STKLD1: variants seen among roughly 807,000 people sequenced by gnomAD.
STKLD1 encodes serine/threonine kinase-like domain-containing protein STKLD1.
STKLD1 carries 79 observed loss-of-function variants against 80.4 expected under a neutral mutation model. The ratio of observed to expected loss-of-function variants is 0.98; its 90% CI spans 0.82 to 1.19. The LOEUF (loss-of-function observed/expected upper bound fraction) is 1.19. STKLD1 is among the 50% of genes most tolerant of loss of function. The pLI is 0.00. For synonymous variants in STKLD1, 393 were observed against 357.6 expected, an observed-to-expected ratio of 1.10 and a Z score of -1.12; for missense variants, 841 against 856.0, an observed-to-expected ratio of 0.98 and a Z score of 0.22.
chr9:133,394,097 C>T lies in STKLD1; in HGVS notation c.584-194C>T, dbSNP rs1166982138. 8.1e-6 allele frequency: 5 copies of T among 617,382 alleles called. No individual in the cohort carries two copies. Among genetic ancestry groups the T allele is most frequent in the African/African-American group, 1.8e-5 (1 of 54,702 alleles). The allele number at this position is 617,382 out of a possible 1,614,324, so 38.2% of individuals were successfully genotyped here. The stretch of plus-strand genomic sequence containing the variant: ...TGGCTCCAGATCAACACAAAGCTCC[C>T]GCTGATTGGGGCCTCTTCCTCCCCA... On this transcript the variant is annotated intron_variant, in intron 7 of 17. Transcript: ENST00000371957. This position sits in a 1 kb window ranked among gnomAD's most constrained non-coding sequence, Gnocchi z 4.9.
intron 2 of STKLD1, among the ~76,000 whole-genome samples, chr9:133,383,062 T>G (rs986951206): frequency 2.0e-4 from 31 of 151,298 alleles, no homozygotes; most frequent in Admixed American, 2.0e-3. Context: ...GTGGTGATGG[T>G]GACGGTGGTG....
At chr9:133,401,160 G>A (rs1211322842) in intron 12 of STKLD1, among the ~76,000 whole-genome samples, 1 of 71,608 alleles carries the variant, frequency 1.4e-5, no homozygotes, top group African/African-American at 6.4e-5. Context: ...TTTTTTTTTT[G>A]AGATGGAGTT....
At position 133,400,481 on chromosome 9, in the gene STKLD1, G is replaced by A. The variant is rs782597499; in HGVS notation, c.1150G>A (p.Asp384Asn). 2.1e-5 allele frequency: 34 copies of A among 1,613,374 alleles called. No homozygotes were observed. Among genetic ancestry groups the A allele is most frequent in the South Asian group, 7.7e-5 (7 of 91,092 alleles). ...TTMELHDRVL[D>N]VQLCACSLLL... is the part of the protein sequence containing the mutation. Reference sequence around the variant, plus strand: ...CATGGAGCTACATGACAGGGTCCTCGATGTCCAGCTGTGTGCCTGCTCCCT... The same window carrying A: ...CATGGAGCTACATGACAGGGTCCTCAATGTCCAGCTGTGTGCCTGCTCCCT... The change falls in exon 12 of 18, where the codon GAT (aspartate) becomes AAT (asparagine). Residue 384 changes from aspartate (D) to asparagine (N), a missense_variant. Coordinates refer to ENST00000371957, the MANE Select transcript of STKLD1 (RefSeq NM_153710.5).
chr9:133,403,023 C>T lies in STKLD1; in HGVS notation c.1474+11C>T, dbSNP rs781913954. On this transcript the variant is annotated intron_variant, in intron 14 of 17. Coordinates refer to ENST00000371957, the MANE Select transcript of STKLD1 (RefSeq NM_153710.5). ...CCCTCCTGCTGGACGGTGAGGGGCC[C>T]TCCTCCTGCTGTCCCACCGGGGCTG... 6.4e-7 allele frequency: 1 copy of T among 1,557,196 alleles called. No individual in the cohort carries two copies. Among genetic ancestry groups the T allele is most frequent in the Admixed American group, 1.9e-5 (1 of 53,444 alleles).
At chr9:133,387,645 T>C in intron 5 of STKLD1, 97 bp downstream of exon 5, 2 of 922,634 alleles carry the variant, frequency 2.2e-6, no homozygotes, top group Admixed American at 1.8e-5. Flanking sequence ...GCAGGCACCA[T>C]GGAGTCCAGC....
In STKLD1 at chr9:133,403,988, G is replaced by C; in HGVS notation, c.1672G>C (p.Asp558His). ...CCTGCAAAGCATCCGGCTGTGCCAG[G>C]ACAGAGCCCTGCTGGTGAACAATGC... ...LLLQSIRLCQ[D>H]RALLVNNAYR... Residue 558 changes from aspartate to histidine, a missense_variant, in exon 16 of 18, where the codon GAC becomes CAC. Transcript: ENST00000371957. The C allele has an allele frequency of 6.2e-7, 1 of 1,612,150 alleles. No individual in the cohort carries two copies. The highest frequency in any genetic ancestry group is 2.2e-5 in the East Asian group (1 of 44,872).
chr9:133,381,131 C>CTTTT lies in STKLD1; in HGVS notation c.174+2030_174+2033dup, dbSNP rs35031853. Among the ~76,000 whole-genome samples, 112 of 69,170 alleles carry CTTTT rather than the reference C, an allele frequency of 1.6e-3. 4 individuals are homozygous for CTTTT. The highest frequency in any genetic ancestry group is 3.5e-3 in the African/African-American group (58 of 16,402). 45.4% of individuals were successfully genotyped at this position (69,170 alleles called of 152,430 possible). A position where few individuals can be genotyped will look rare whatever the true frequency, so the allele number is the denominator to read the frequency against. On this transcript the variant is annotated intron_variant, in intron 2 of 17. Coordinates refer to ENST00000371957, the MANE Select transcript of STKLD1 (RefSeq NM_153710.5). ...GAGATTTCTGGGTCATACGATGTAA[C>CTTTT]TTTTTTTTTTTTTTTTTTTTTTTTG...
chr9:133,385,037 C>T lies in STKLD1; in HGVS notation c.220-580C>T, dbSNP rs1330358043. On this transcript the variant is annotated intron_variant, in intron 3 of 17. Coordinates refer to ENST00000371957, the MANE Select transcript of STKLD1 (RefSeq NM_153710.5). The surrounding 1 kb of genome is among the most constrained non-coding windows in gnomAD (Gnocchi z 4.9). ...CAAATGGGAAGAAAGAGCATGGGGC[C>T]TGCCCAGAGCCGCACGCCGCCGTGG... 6.6e-6 allele frequency among the ~76,000 whole-genome samples: 1 copy of T among 152,198 alleles called. No individual in the cohort carries two copies. The highest frequency in any genetic ancestry group is 2.4e-5 in the African/African-American group (1 of 41,440).
intron 9 of STKLD1, 118 bp downstream of exon 9, chr9:133,395,881 C>A (rs1838548398): frequency 5.0e-6 from 5 of 999,834 alleles, no homozygotes; most frequent in Non-Finnish European, 7.4e-6. Flanking sequence ...ATCACAGATG[C>A]CCTGATTATC....
Position 133,383,866 on chromosome 9 carries a change from T to C in STKLD1, c.185T>C (p.Met62Thr), listed in dbSNP as rs1467182690. ...CTTGTGCCCTTGCAGGTGGAATGCA[T>C]GGATGACCATTACGCCAGTCAGGCC... ...VKHVIKQVEC[M>T]DDHYASQALE... is the part of the protein sequence containing the mutation. The change falls in exon 3 of 18, where the codon ATG becomes ACG. Residue 62 changes from methionine (M) to threonine (T), a missense_variant. Physicochemically the swap from Met to Thr is moderately conservative, Grantham distance 81. Transcript: ENST00000371957. 3.7e-6 allele frequency: 6 copies of C among 1,613,876 alleles called. No homozygotes were observed. The highest frequency in any genetic ancestry group is 5.1e-6 in the Non-Finnish European group (6 of 1,179,952).
chr9:133,394,758 A>ACC lies in STKLD1; in HGVS notation c.702+349_702+350insCC. The ACC allele has an allele frequency of 3.4e-6, 1 of 294,600 alleles. No individual in the cohort carries two copies. Among genetic ancestry groups the ACC allele is most frequent in the South Asian group, 4.6e-5 (1 of 21,884 alleles). The allele number at this position is 294,600 out of a possible 1,614,324, so 18.2% of individuals were successfully genotyped here. ...GCTGCACGGAGTTGCAAGCAACGGGAACCCAGTGTGGGCCTGAACACACCT... is the reference window on the plus strand; with the variant it reads ...GCTGCACGGAGTTGCAAGCAACGGGACCACCCAGTGTGGGCCTGAACACACCT... On this transcript the variant is annotated intron_variant, in intron 8 of 17. Coordinates refer to ENST00000371957, the MANE Select transcript of STKLD1 (RefSeq NM_153710.5). The surrounding 1 kb of genome is among the most constrained non-coding windows in gnomAD (Gnocchi z 4.9).
At position 133,379,252 on chromosome 9, in the gene STKLD1, G is replaced by A. The variant is rs1447516927; in HGVS notation, c.174+130G>A. The A allele has an allele frequency of 1.8e-5, 13 of 731,032 alleles. No homozygotes were observed. The Admixed American group carries it at 3.4e-4, about 19-fold the overall frequency. The allele number at this position is 731,032 out of a possible 1,614,324, so 45.3% of individuals were successfully genotyped here. A position where few individuals can be genotyped will look rare whatever the true frequency, so the allele number is the denominator to read the frequency against. On this transcript the variant is annotated intron_variant, in intron 2 of 17. Transcript: ENST00000371957. The stretch of plus-strand genomic sequence containing the variant: ...GGATTCCTCGCTGCTGACACTTGCG[G>A]AGACTAATCTGGTTGGGGTAGATGT...
At chr9:133,388,304 A>G (rs2130282098) in intron 5 of STKLD1, among the ~76,000 whole-genome samples, 1 of 152,268 alleles carries the variant, frequency 6.6e-6, no homozygotes, top group East Asian at 1.9e-4. Context: ...GCTGGAGTGC[A>G]GTGGCACGAC....
intron 10 of STKLD1, among the ~76,000 whole-genome samples, chr9:133,397,601 C>T (rs1838595408): frequency 6.6e-6 from 1 of 152,198 alleles, no homozygotes; most frequent in Admixed American, 6.5e-5. Flanking sequence ...GGCCTAGTCA[C>T]TGCCCACGCC....
chr9:133,398,916 G>A (rs983526781), intron 11 of STKLD1, among the ~76,000 whole-genome samples: 3 of 152,114 alleles, frequency 2.0e-5, no homozygotes, highest in African/African-American at 4.8e-5. Flanking sequence ...GCAGTGGTGC[G>A]ATCTTGGCTC....
At chr9:133,381,554 G>A (rs1321530928) in intron 2 of STKLD1, among the ~76,000 whole-genome samples, 1 of 150,450 alleles carries the variant, frequency 6.6e-6, no homozygotes, top group African/African-American at 2.5e-5. Flanking sequence ...AGGTTCAAGT[G>A]ATTCTCCTGC....
intron 13 of STKLD1, among the ~76,000 whole-genome samples, 172 bp from the exon 14 acceptor site, chr9:133,402,706 G>A (rs897397308): frequency 3.9e-5 from 6 of 152,226 alleles, no homozygotes; most frequent in African/African-American, 1.4e-4. Context: ...AGACTCCTCT[G>A]GGGCCAGTCC....
At chr9:133,382,169 G>A (rs1249192500) in intron 2 of STKLD1, among the ~76,000 whole-genome samples, 1 of 152,164 alleles carries the variant, frequency 6.6e-6, no homozygotes, top group African/African-American at 2.4e-5. Flanking sequence ...CATTCCATGC[G>A]TGGAGACAAC....
At chr9:133,386,547 T>C (rs1838268901) in intron 4 of STKLD1, among the ~76,000 whole-genome samples, 1 of 152,244 alleles carries the variant, frequency 6.6e-6, no homozygotes, top group Non-Finnish European at 1.5e-5. Context: ...CCAGGAGGGC[T>C]GCAGGGCAGG....
Sources: allele counts gnomAD v4.1 joint callset (sites outside exome capture counted in the v4.1 genomes callset), GRCh38; gene constraint gnomAD v4.1.1; non-coding constraint Gnocchi (gnomAD v3.1); transcripts MANE v1.5; gene names NCBI Gene and HGNC (gene_info 2026-07-23, HGNC 2026-07-21).